ASTN2: variants seen among roughly 807,000 people sequenced by gnomAD.
ASTN2 encodes the protein astrotactin 2.
ASTN2 carries 54 observed loss-of-function variants against 139.8 expected under a neutral mutation model. The ratio of observed to expected loss-of-function variants is 0.39; its 90% CI spans 0.31 to 0.48. ASTN2 has a LOEUF of 0.48. ASTN2 is among the 20% of genes least tolerant of loss of function. ASTN2 has a pLI of 0.95. For missense variants in ASTN2, 1,565 were observed against 1,725.1 expected (o/e 0.91, Z 1.64); for synonymous variants, 756 against 719.5 (o/e 1.05, Z -0.81).
chr9:116,427,153 AT>A (rs1273011936), intron 22 of ASTN2, among the ~76,000 whole-genome samples: 3 of 151,982 alleles, frequency 2.0e-5, no homozygotes, highest in East Asian at 1.9e-4. Flanking sequence ...TGGGCTGTAT[AT>A]TTTTTTGTTG....
At chr9:116,691,067 A>G (rs1860542779) in intron 16 of ASTN2, among the ~76,000 whole-genome samples, 1 of 152,142 alleles carries the variant, frequency 6.6e-6, no homozygotes, top group Non-Finnish European at 1.5e-5. Context: ...CCACAAGTGC[A>G]TGCCACCACA....
At chr9:117,353,474 A>G (rs1829447605) in intron 1 of ASTN2, among the ~76,000 whole-genome samples, 2 of 152,174 alleles carry the variant, frequency 1.3e-5, no homozygotes, top group Admixed American at 6.6e-5. Flanking sequence ...TTTTAAATGT[A>G]AATAATAGCC....
Position 116,878,852 on chromosome 9 carries a change from T to C in ASTN2, c.1890-15119A>G, listed in dbSNP as rs763531350. ...ATTATTTATTCATAAAGTACCCACA[T>C]GGAGTCACTGAGAGCTCCTCCAAGC... is the stretch of plus-strand genomic sequence containing the variant. On this transcript the variant is annotated intron_variant, in intron 10 of 22. Coordinates refer to ENST00000313400, the MANE Select transcript of ASTN2 (RefSeq NM_001365068.1). 3.3e-5 allele frequency among the ~76,000 whole-genome samples: 5 copies of C among 151,784 alleles called. No individual in the cohort carries two copies. In the South Asian group the frequency reaches 6.3e-4, roughly 19 times the overall value.
rs988982415 is a variant in ASTN2, at chr9:116,617,183, A to C, written c.3355+1141T>G. 7.2e-5 allele frequency among the ~76,000 whole-genome samples: 11 copies of C among 152,176 alleles called. 1 individual carries two copies. Among genetic ancestry groups the C allele is most frequent in the Admixed American group, 7.2e-4 (11 of 15,266 alleles). On this transcript the variant is annotated intron_variant, in intron 19 of 22. Coordinates refer to ENST00000313400, the MANE Select transcript of ASTN2 (RefSeq NM_001365068.1). ...GGCTTTTCTTTTTCTGACTTCTTTT[A>C]CATTCACAGCCTCATTTTATCACTT...
chr9:117,230,531 C>G (rs964146485), intron 2 of ASTN2, among the ~76,000 whole-genome samples: 3 of 152,144 alleles, frequency 2.0e-5, no homozygotes, highest in Non-Finnish European at 4.4e-5. Context: ...TCTATAAATA[C>G]CTTATTTCCA....
In ASTN2 at chr9:117,039,892, C is replaced by T. The variant is rs1838502028; in HGVS notation, c.1350G>A (p.Val450=). ...GTGGACAAGACATCTGGCTGCCACA[C>T]ACCATGGCCAGGATGCAGGAACTCA... ...IAVSSCILAM[V]CGSQMSCPLT... is the part of the protein sequence containing the mutation. Residue 450 remains valine, a synonymous_variant, in exon 6 of 23, where the codon GTG becomes GTA. Transcript: ENST00000313400. 6.2e-7 allele frequency: 1 copy of T among 1,613,764 alleles called. No homozygotes were observed. Among genetic ancestry groups the T allele is most frequent in the African/African-American group, 1.3e-5 (1 of 74,900 alleles).
intron 3 of ASTN2, among the ~76,000 whole-genome samples, chr9:117,202,611 T>G (rs1030806660): frequency 6.6e-6 from 1 of 152,198 alleles, no homozygotes; most frequent in African/African-American, 2.4e-5. Flanking sequence ...TTAGTTTGGC[T>G]AGATATGAAA....
chr9:117,042,739 CA>C (rs1235323965), intron 5 of ASTN2, among the ~76,000 whole-genome samples: 3 of 151,928 alleles, frequency 2.0e-5, no homozygotes, highest in Non-Finnish European at 2.9e-5. Flanking sequence ...GAATATGGAC[CA>C]GGGGTTGGCA....
intron 13 of ASTN2, among the ~76,000 whole-genome samples, chr9:116,769,831 G>C (rs550545595): frequency 6.6e-6 from 1 of 152,196 alleles, no homozygotes; most frequent in East Asian, 1.9e-4. Context: ...AATCACTTCA[G>C]GTCAGGAGTT....
At chr9:116,782,072 A>G (rs974286205) in intron 13 of ASTN2, among the ~76,000 whole-genome samples, 1 of 152,104 alleles carries the variant, frequency 6.6e-6, no homozygotes, top group East Asian at 1.9e-4. Flanking sequence ...AAGAGAAAAG[A>G]TTTCTCACTT....
At chr9:116,998,275 C>T (rs1285992277) in intron 7 of ASTN2, among the ~76,000 whole-genome samples, 2 of 152,098 alleles carry the variant, frequency 1.3e-5, no homozygotes, top group Non-Finnish European at 2.9e-5. Context: ...CCAGTTGAGG[C>T]TCTCTGGACT....
intron 19 of ASTN2, among the ~76,000 whole-genome samples, chr9:116,524,760 T>C (rs1186273476): frequency 6.6e-6 from 1 of 152,196 alleles, no homozygotes; most frequent in African/African-American, 2.4e-5. Flanking sequence ...CACATGAAAG[T>C]TGGCATTCCT....
chr9:116,797,662 T>G (rs2132232447), intron 13 of ASTN2, among the ~76,000 whole-genome samples: 1 of 152,336 alleles, frequency 6.6e-6, no homozygotes, highest in East Asian at 1.9e-4. Context: ...TCCTTTTAAT[T>G]AATGCTGTCT....
At position 116,467,825 on chromosome 9, in the gene ASTN2, G is replaced by C. The variant is rs541264483; in HGVS notation, c.3497+19534C>G. On this transcript the variant is annotated intron_variant, in intron 20 of 22. Coordinates refer to ENST00000313400, the MANE Select transcript of ASTN2 (RefSeq NM_001365068.1). ...GCACATTTCTAAATATTCAAGAAAT[G>C]GTAGGGTAGGTAGTTGTTATCATTA... Among the ~76,000 whole-genome samples the C allele has an allele frequency of 2.0e-5, 3 of 152,302 alleles. No individual in the cohort carries two copies. In the East Asian group the frequency reaches 5.8e-4, roughly 29 times the overall value.
At position 116,698,382 on chromosome 9, in the gene ASTN2, G is replaced by C; in HGVS notation, c.2806+27389C>G. On this transcript the variant is annotated intron_variant, in intron 16 of 22. Coordinates refer to ENST00000313400, the MANE Select transcript of ASTN2 (RefSeq NM_001365068.1). This position sits in a 1 kb window ranked among gnomAD's most constrained non-coding sequence, Gnocchi z 4.4. ...CTTCACAGGCTCTTTGGCTGAAGTT[G>C]AGAAGTCCAATAGTCAAGTGGTAGA... 1 of 1,614,166 alleles carries C rather than the reference G, an allele frequency of 6.2e-7. No individual in the cohort carries two copies. The highest frequency in any genetic ancestry group is 8.5e-7 in the Non-Finnish European group (1 of 1,180,038).
At chr9:116,450,916 C>T (rs932734742) in intron 20 of ASTN2, among the ~76,000 whole-genome samples, 1 of 152,202 alleles carries the variant, frequency 6.6e-6, no homozygotes, top group Admixed American at 6.5e-5. Flanking sequence ...CTAGTTTCTA[C>T]TTTCAAAACA....
chr9:116,474,492 C>G (rs1485005428), intron 20 of ASTN2, among the ~76,000 whole-genome samples: 1 of 152,130 alleles, frequency 6.6e-6, no homozygotes, highest in Non-Finnish European at 1.5e-5. Flanking sequence ...CGTCTCACCT[C>G]TGACTCTCTA....
chr9:117,230,889 ACTC>A (rs2133056102), intron 2 of ASTN2, among the ~76,000 whole-genome samples: 1 of 152,056 alleles, frequency 6.6e-6, no homozygotes, highest in African/African-American at 2.4e-5. Flanking sequence ...GACACAGTAA[ACTC>A]CACTCGCCTT....
intron 13 of ASTN2, among the ~76,000 whole-genome samples, chr9:116,795,850 G>A (rs1830675448): frequency 6.6e-6 from 1 of 152,178 alleles, no homozygotes; most frequent in Non-Finnish European, 1.5e-5. Context: ...AAGCTCTTCA[G>A]GGTTATTTTA....
Sources: gnomAD v4.1 joint callset for allele counts (sites outside exome capture counted in the v4.1 genomes callset) on GRCh38, gnomAD v4.1.1 for gene constraint, Gnocchi (gnomAD v3.1) non-coding constraint, MANE v1.5 for transcripts, NCBI Gene and HGNC (gene_info 2026-07-23, HGNC 2026-07-21) for gene names.